APC: variants seen among roughly 807,000 people sequenced by gnomAD.
APC encodes APC regulator of Wnt signaling pathway, also known as adenomatous polyposis coli protein.
APC carries 72 observed loss-of-function variants against 247.0 expected under a neutral mutation model. That is an observed-to-expected ratio of 0.29 (90% confidence interval 0.24 to 0.35). APC has a LOEUF of 0.35. Among genes scored for constraint, APC ranks in the 10% least tolerant of loss-of-function variants. The pLI, the probability that APC is intolerant of heterozygous loss-of-function variation, is 1.00. For missense variants in APC, 3,400 were observed against 3,360.7 expected (o/e 1.01, Z -0.29); for synonymous variants, 1,254 against 1,162.5 (o/e 1.08, Z -1.60).
intron 5 of APC, among the ~76,000 whole-genome samples, chr5:112,777,081 T>TA (rs1351102146): frequency 1.3e-5 from 2 of 152,326 alleles, no homozygotes; most frequent in African/African-American, 4.8e-5. Flanking sequence ...ATTGTCCAAT[T>TA]AAAATCATTC....
chr5:112,756,333 A>G (rs995588741), intron 2 of APC, among the ~76,000 whole-genome samples: 1 of 152,268 alleles, frequency 6.6e-6, no homozygotes, highest in Admixed American at 6.5e-5. Context: ...ACCTACTTCA[A>G]ATCCCTTGGG....
rs587780601 is a variant in APC at position 112,780,855 on chromosome 5, G to A, written c.597G>A (p.Ala199=). 5.4e-5 allele frequency: 87 copies of A among 1,613,190 alleles called. No homozygotes were observed. Among genetic ancestry groups the A allele is most frequent in the South Asian group, 3.4e-4 (31 of 91,010 alleles). ...LEYEARQIRV[A]MEEQLGTCQD... ...ATGAAGCAAGGCAAATCAGAGTTGCGATGGAAGAACAACTAGGTACCTGCC... is the reference window on the plus strand; with the variant it reads ...ATGAAGCAAGGCAAATCAGAGTTGCAATGGAAGAACAACTAGGTACCTGCC... Residue 199 remains alanine (A), a synonymous_variant, in exon 6 of 16, where the codon GCG becomes GCA. Coordinates refer to ENST00000257430, the MANE Select transcript of APC (RefSeq NM_000038.6).
intron 1 of APC, among the ~76,000 whole-genome samples, chr5:112,719,225 TTTTC>T (rs1404026519): frequency 6.6e-6 from 1 of 152,146 alleles, no homozygotes; most frequent in African/African-American, 2.4e-5. Context: ...TTCTTCTTTC[TTTTC>T]TTTCTTTGGA....
intron 6 of APC, among the ~76,000 whole-genome samples, chr5:112,785,547 T>G (rs184797384): frequency 6.6e-6 from 1 of 152,278 alleles, no homozygotes; most frequent in East Asian, 1.9e-4. Context: ...CAAAAACATT[T>G]ATGAAAGAAC....
chr5:112,725,648 GT>G (rs1293944020), intron 1 of APC, among the ~76,000 whole-genome samples: 3 of 151,754 alleles, frequency 2.0e-5, no homozygotes, highest in African/African-American at 4.8e-5. Context: ...GTAGTCCCAG[GT>G]ACTTGGGAGG....
At chr5:112,735,390 C>G (rs890431135), upstream of APC, among the ~76,000 whole-genome samples, 1 of 151,974 alleles carries the variant, frequency 6.6e-6, no homozygotes, top group African/African-American at 2.4e-5. Context: ...GTTGCCCATG[C>G]TGGTCTCCAA....
chr5:112,738,073 G>A, intron 1 of APC, 148 bp downstream of exon 1: 3 of 479,512 alleles, frequency 6.3e-6, no homozygotes, highest in South Asian at 8.8e-5. Flanking sequence ...TCGTCCCCCC[G>A]CCCCCCACTG....
At position 112,754,949 on chromosome 5, in the gene APC, A is replaced by C. The variant is rs2149737923; in HGVS notation, c.59A>C (p.Asn20Thr). The change falls in exon 2 of 16, where the codon AAC (asparagine) becomes ACC (threonine). Residue 20 changes from asparagine to threonine, a missense_variant. Asn to Thr is a moderately conservative substitution (Grantham distance 65, BLOSUM62 0). Coordinates refer to ENST00000257430, the MANE Select transcript of APC (RefSeq NM_000038.6). ...CAAGTTGAGGCACTGAAGATGGAGA[A>C]CTCAAATCTTCGACAAGAGCTAGAA... ...LKQVEALKMENSNLRQELEDN... is the reference protein window; with the variant it reads ...LKQVEALKMETSNLRQELEDN... 1 of 1,613,776 alleles carries C rather than the reference A, an allele frequency of 6.2e-7. No homozygotes were observed. The highest frequency in any genetic ancestry group is 8.5e-7 in the Non-Finnish European group (1 of 1,179,736).
At chr5:112,759,853 G>A (rs994403461) in intron 2 of APC, among the ~76,000 whole-genome samples, 1 of 151,912 alleles carries the variant, frequency 6.6e-6, no homozygotes, top group South Asian at 2.1e-4. Flanking sequence ...TTTTGGAACT[G>A]CTTTGCAATT....
rs779918968 is a variant in APC, at chr5:112,837,919, T to C, written c.2325T>C (p.Asn775=). 10 of 1,613,926 alleles carry C rather than the reference T, an allele frequency of 6.2e-6. No individual in the cohort carries two copies. Among genetic ancestry groups the C allele is most frequent in the Non-Finnish European group, 6.8e-6 (8 of 1,180,022 alleles). ...DAQHLSETFD[N]IDNLSPKASH... ...AGCACTTATCAGAAACTTTTGACAA[T>C]ATAGACAATTTAAGTCCCAAGGCAT... Residue 775 remains asparagine, a synonymous_variant, in exon 16 of 16, where the codon AAT becomes AAC. Transcript: ENST00000257430.
intron 1 of APC, among the ~76,000 whole-genome samples, chr5:112,745,246 A>G (rs992429988): frequency 6.6e-5 from 10 of 152,146 alleles, no homozygotes; most frequent in African/African-American, 2.2e-4. Flanking sequence ...TTTATAAGCA[A>G]TAGTCTTCCA....
intron 4 of APC, among the ~76,000 whole-genome samples, chr5:112,770,849 T>C (rs985393573): frequency 3.0e-4 from 46 of 152,300 alleles, no homozygotes; most frequent in Middle Eastern, 3.4e-3. Flanking sequence ...TGTATACATA[T>C]ACACATAAGC....
rs945185629 is a variant in APC, at chr5:112,841,264, A to G, written c.5670A>G (p.Ser1890=). ...ELRKAKENKE[S]EAKVTSHTEL... The stretch of plus-strand genomic sequence containing the variant: ...GAAAGGCAAAAGAAAATAAGGAATC[A>G]GAGGCTAAAGTTACCAGCCACACAG... The change falls in exon 16 of 16, where the codon TCA becomes TCG. Residue 1890 remains serine (S), a synonymous_variant. Coordinates refer to ENST00000257430, the MANE Select transcript of APC (RefSeq NM_000038.6). This position sits in a 1 kb window ranked among gnomAD's most constrained non-coding sequence, Gnocchi z 4.6. 3 of 1,613,700 alleles carry G rather than the reference A, an allele frequency of 1.9e-6. No individual in the cohort carries two copies. Among genetic ancestry groups the G allele is most frequent in the East Asian group, 4.5e-5 (2 of 44,876 alleles).
intron 4 of APC, among the ~76,000 whole-genome samples, chr5:112,768,029 T>C (rs1038981244): frequency 1.3e-5 from 2 of 151,340 alleles, no homozygotes; most frequent in Non-Finnish European, 2.9e-5. Context: ...CTGGGTGACA[T>C]AGTAAGACTC....
intron 1 of APC, among the ~76,000 whole-genome samples, chr5:112,731,583 C>T (rs560667248): frequency 6.6e-6 from 1 of 152,240 alleles, no homozygotes; most frequent in African/African-American, 2.4e-5. Context: ...ATTAAATTTC[C>T]GACACAGGCT....
At chr5:112,802,308 C>T (rs1439244027) in intron 8 of APC, among the ~76,000 whole-genome samples, 1 of 152,056 alleles carries the variant, frequency 6.6e-6, no homozygotes, top group African/African-American at 2.4e-5. Flanking sequence ...TTCAGTATTA[C>T]TAGTTAGCAT....
Position 112,737,917 on chromosome 5 carries a change from G to A in APC, c.-27G>A, listed in dbSNP as rs1344654116. On this transcript the variant is annotated 5_prime_UTR_variant, in exon 1 of 16. Transcript: ENST00000257430. The stretch of plus-strand genomic sequence containing the variant: ...ACAGAATGGAGGTGCTGCCGGACTC[G>A]GAAATGGGGTAGGTGCTGGAGCCAC... 2 of 985,670 alleles carry A rather than the reference G, an allele frequency of 2.0e-6. No individual in the cohort carries two copies. The highest frequency in any genetic ancestry group is 1.1e-4 in the East Asian group (1 of 8,840). The allele number at this position is 985,670 out of a possible 1,614,324, so 61.1% of individuals were successfully genotyped here. A position where few individuals can be genotyped will look rare whatever the true frequency, so the allele number is the denominator to read the frequency against.
At chr5:112,742,176 A>G (rs932896464) in intron 1 of APC, among the ~76,000 whole-genome samples, 4 of 152,130 alleles carry the variant, frequency 2.6e-5, no homozygotes, top group Non-Finnish European at 2.9e-5. Flanking sequence ...TATTAACTCA[A>G]TACTGTTTTT....
At chr5:112,809,486 AT>A (rs1761761295) in intron 8 of APC, among the ~76,000 whole-genome samples, 1 of 152,166 alleles carries the variant, frequency 6.6e-6, no homozygotes, top group Non-Finnish European at 1.5e-5. Flanking sequence ...GAGAAGATGA[AT>A]ACCTAGCCTA....
Sources: allele counts gnomAD v4.1 joint callset (sites outside exome capture counted in the v4.1 genomes callset), GRCh38; gene constraint gnomAD v4.1.1; non-coding constraint Gnocchi (gnomAD v3.1); transcripts MANE v1.5; gene names NCBI Gene and HGNC (gene_info 2026-07-23, HGNC 2026-07-21).